Variants in ARL10 observed in about 807,000 individuals in gnomAD.
ARL10 encodes ARF like GTPase 10.
ARL10 carries 23 observed loss-of-function variants against 26.1 expected under a neutral mutation model. The observed-to-expected ratio is 0.88, with a 90% CI of 0.63 to 1.25. The LOEUF (loss-of-function observed/expected upper bound fraction) is 1.25. Ranked by LOEUF, ARL10 falls within the 50% of genes most tolerant of loss-of-function variation. The probability of loss-of-function intolerance (pLI) is 0.00; values close to 1 mark genes in which losing one functional copy is unlikely to be tolerated. For missense variants in ARL10, 300 were observed against 323.6 expected (o/e 0.93, Z 0.56); for synonymous variants, 138 against 149.1 (o/e 0.93, Z 0.54).
intron 3 of ARL10, among the ~76,000 whole-genome samples, chr5:176,370,985 C>T (rs1431898986): frequency 6.6e-6 from 1 of 152,188 alleles, no homozygotes; most frequent in Non-Finnish European, 1.5e-5. Context: ...ATGTCACCTC[C>T]CTGAGCTACT....
chr5:176,406,672 A>G, downstream of ARL10: 1 of 1,289,058 alleles, frequency 7.8e-7, no homozygotes, highest in Non-Finnish European at 1.0e-6. Flanking sequence ...TGTATTGGCA[A>G]CTGGGTTTGT....
At chr5:176,397,236 A>G (rs1756566814) in intron 1 of ARL10, among the ~76,000 whole-genome samples, 1 of 151,992 alleles carries the variant, frequency 6.6e-6, no homozygotes, top group Non-Finnish European at 1.5e-5. Context: ...TTCCTGGAAG[A>G]CCTTGTACCG....
the ARL10 span, among the ~76,000 whole-genome samples, chr5:176,409,812 A>C: frequency 1.3e-5 from 2 of 152,308 alleles, no homozygotes; most frequent in Admixed American, 6.5e-5. Flanking sequence ...TGCCATTATA[A>C]ATAACCCTGC....
At chr5:176,410,176 T>A in the ARL10 span, 1 of 1,208,682 alleles carries the variant, frequency 8.3e-7, no homozygotes, top group Non-Finnish European at 1.2e-6. Flanking sequence ...CCTGGAGCTG[T>A]AAGCCTACAA....
At chr5:176,385,616 A>G (rs1755780078), downstream of ARL10, among the ~76,000 whole-genome samples, 1 of 152,244 alleles carries the variant, frequency 6.6e-6, no homozygotes, top group Admixed American at 6.5e-5. Context: ...GTACCAGACT[A>G]ATAACCTCTA....
At chr5:176,371,339 T>C (rs987657657) in intron 3 of ARL10, among the ~76,000 whole-genome samples, 3 of 152,154 alleles carry the variant, frequency 2.0e-5, no homozygotes, top group Non-Finnish European at 4.4e-5. Flanking sequence ...GCCAAGATCG[T>C]GCCACTGCAC....
the ARL10 span, among the ~76,000 whole-genome samples, chr5:176,414,895 C>T: frequency 1.3e-5 from 2 of 152,222 alleles, no homozygotes; most frequent in Admixed American, 1.3e-4. Flanking sequence ...TCCTGACACA[C>T]AGTAGGTGCT....
chr5:176,393,546 C>T (rs1756352696), downstream of ARL10, among the ~76,000 whole-genome samples: 1 of 152,184 alleles, frequency 6.6e-6, no homozygotes, highest in Non-Finnish European at 1.5e-5. The surrounding 1 kb of genome is among the most constrained non-coding windows in gnomAD (Gnocchi z 4.4). Context: ...GTGCTGTGTG[C>T]GTCGTGACCC....
At chr5:176,367,154 C>G (rs1266234595) in intron 2 of ARL10, among the ~76,000 whole-genome samples, 1 of 151,864 alleles carries the variant, frequency 6.6e-6, no homozygotes, top group Non-Finnish European at 1.5e-5. Flanking sequence ...ATTACAGGCG[C>G]CCGCCACCAC....
rs1250027036 is a variant in ARL10 at position 176,372,245 on chromosome 5, G to A, written c.*350G>A. ...AGGTCCCGGTACCTGAGGAACCAGT[G>A]TAGGTGTCAGAAATACTCCTAGAGC... On this transcript the variant is annotated 3_prime_UTR_variant, in exon 4 of 4. Coordinates refer to ENST00000310389, the MANE Select transcript of ARL10 (RefSeq NM_173664.6). The A allele has an allele frequency of 3.0e-6, 1 of 337,482 alleles. No individual in the cohort carries two copies. Among genetic ancestry groups the A allele is most frequent in the Non-Finnish European group, 4.8e-6 (1 of 206,450 alleles). The allele number at this position is 337,482 out of a possible 1,614,324, so 20.9% of individuals were successfully genotyped here.
rs954025438 is a variant in ARL10, at chr5:176,372,748, T to G, written c.*853T>G. On this transcript the variant is annotated 3_prime_UTR_variant, in exon 4 of 4. Transcript: ENST00000310389. ...AGGGGAAGGAAGGAGCCTGTGTCCC[T>G]GGGACGACAGTCAACTGGAGCTAGG... The G allele has an allele frequency of 7.6e-6, 3 of 396,762 alleles. No homozygotes were observed. The highest frequency in any genetic ancestry group is 1.3e-5 in the Non-Finnish European group (3 of 225,174). 24.6% of individuals were successfully genotyped at this position (396,762 alleles called of 1,614,324 possible).
chr5:176,400,618 A>C (rs1435290630), intron 1 of ARL10, among the ~76,000 whole-genome samples: 8 of 152,114 alleles, frequency 5.3e-5, no homozygotes, highest in Non-Finnish European at 1.2e-4. Context: ...CGCCCTCCGC[A>C]TTCCTGTCTG....
chr5:176,366,033 C>T (rs1017061894), intron 1 of ARL10, among the ~76,000 whole-genome samples: 2 of 152,196 alleles, frequency 1.3e-5, no homozygotes, highest in Admixed American at 6.5e-5. Flanking sequence ...GAGGGCGCGG[C>T]TCGGGAGCAT....
the ARL10 span, among the ~76,000 whole-genome samples, chr5:176,413,100 C>T: frequency 7.9e-5 from 12 of 152,270 alleles, no homozygotes; most frequent in African/African-American, 2.9e-4. Context: ...TAAGAGTCCA[C>T]ACACACCTAC....
intron 1 of ARL10, among the ~76,000 whole-genome samples, chr5:176,396,076 A>G (rs1294490306): frequency 3.9e-5 from 6 of 152,170 alleles, no homozygotes; most frequent in African/African-American, 9.7e-5. Flanking sequence ...TGGAGGTCGC[A>G]GTGAGCCGAG....
At chr5:176,393,334 G>A (rs77343734), downstream of ARL10, among the ~76,000 whole-genome samples, 1,374 of 152,256 alleles carry the variant, frequency 9.0e-3, 20 homozygotes, top group African/African-American at 0.032. The surrounding 1 kb of genome is among the most constrained non-coding windows in gnomAD (Gnocchi z 4.4). Flanking sequence ...GTCCTAGGAC[G>A]ACCTAATGCA....
chr5:176,400,274 A>C (rs1309880140), intron 1 of ARL10, among the ~76,000 whole-genome samples: 1 of 152,220 alleles, frequency 6.6e-6, no homozygotes, highest in Non-Finnish European at 1.5e-5. Flanking sequence ...TTATGATTTA[A>C]TACTATAATA....
At chr5:176,371,493 T>C (rs949888858) in intron 3 of ARL10, among the ~76,000 whole-genome samples, 3 of 147,244 alleles carry the variant, frequency 2.0e-5, no homozygotes, top group Non-Finnish European at 3.0e-5. Context: ...TTCTGGGAAC[T>C]TGGGGCCTGA....
downstream of ARL10, chr5:176,405,449 C>A (rs1418074403): frequency 1.4e-5 from 2 of 146,028 alleles, no homozygotes; most frequent in Non-Finnish European, 3.0e-5. Context: ...GATCACACCA[C>A]TGCACTCCAG....
Sources: allele counts gnomAD v4.1 joint callset (sites outside exome capture counted in the v4.1 genomes callset), GRCh38; gene constraint gnomAD v4.1.1; non-coding constraint Gnocchi (gnomAD v3.1); transcripts MANE v1.5; gene names NCBI Gene and HGNC (gene_info 2026-07-23, HGNC 2026-07-21).